LRRTM4: variants seen among roughly 807,000 people sequenced by gnomAD.
LRRTM4 encodes the protein leucine rich repeat transmembrane neuronal 4.
Under a neutral mutation model 47.6 loss-of-function variants are expected in LRRTM4, and 25 were observed. That is an observed-to-expected ratio of 0.53 (90% CI 0.38 to 0.73). LRRTM4 has a LOEUF of 0.73. Ranked by LOEUF, LRRTM4 falls within the 30% of genes least tolerant of loss-of-function variation. The pLI, the probability that LRRTM4 is intolerant of heterozygous loss-of-function variation, is 0.00. For synonymous variants in LRRTM4, 311 were observed against 269.5 expected, an observed-to-expected ratio of 1.15 and a Z score of -1.51; for missense variants, 638 against 713.4, an observed-to-expected ratio of 0.89 and a Z score of 1.20.
chr2:77,202,253 C>A (rs1673997505), intron 3 of LRRTM4, among the ~76,000 whole-genome samples: 1 of 152,056 alleles, frequency 6.6e-6, no homozygotes, highest in South Asian at 2.1e-4. Context: ...TTTAAAATCA[C>A]CATTTCTGCT....
chr2:77,200,249 A>T (rs528986858), intron 3 of LRRTM4, among the ~76,000 whole-genome samples: 3 of 152,128 alleles, frequency 2.0e-5, no homozygotes, highest in African/African-American at 4.8e-5. Flanking sequence ...AAAAGTAGTG[A>T]GTTTAGTGTG....
At chr2:77,328,815 T>A (rs1449074162) in intron 3 of LRRTM4, among the ~76,000 whole-genome samples, 1 of 152,140 alleles carries the variant, frequency 6.6e-6, no homozygotes, top group East Asian at 1.9e-4. Flanking sequence ...AGCTGACAAA[T>A]GGCTTCTATG....
chr2:77,348,932 CTT>C (rs1181074055), intron 3 of LRRTM4, among the ~76,000 whole-genome samples: 1 of 151,734 alleles, frequency 6.6e-6, no homozygotes, highest in Non-Finnish European at 1.5e-5. Context: ...ATAGCAGCCA[CTT>C]ATAATAAAAA....
intron 3 of LRRTM4, among the ~76,000 whole-genome samples, chr2:76,831,502 G>T (rs1452694665): frequency 1.3e-5 from 2 of 151,988 alleles, no homozygotes; most frequent in African/African-American, 4.8e-5. Flanking sequence ...CTAGCTTTGG[G>T]TTGATTCTCC....
intron 3 of LRRTM4, among the ~76,000 whole-genome samples, chr2:77,278,752 A>G (rs1049049443): frequency 6.6e-6 from 1 of 151,982 alleles, no homozygotes; most frequent in Non-Finnish European, 1.5e-5. Context: ...TGTACATTTC[A>G]TGTTAGAAAG....
chr2:76,847,335 A>G (rs767477558), intron 3 of LRRTM4, among the ~76,000 whole-genome samples: 61 of 152,164 alleles, frequency 4.0e-4, no homozygotes, highest in Admixed American at 1.0e-3. Flanking sequence ...TGTAACAATA[A>G]TTATGATTAT....
At chr2:77,307,122 G>C (rs187845884) in intron 3 of LRRTM4, among the ~76,000 whole-genome samples, 11 of 151,460 alleles carry the variant, frequency 7.3e-5, no homozygotes, top group Non-Finnish European at 1.2e-4. Context: ...GGATGGTCTC[G>C]ATCTCCTGAC....
At chr2:77,521,572 C>T in intron 2 of LRRTM4, 96 bp downstream of exon 2, 1 of 1,431,672 alleles carries the variant, frequency 7.0e-7, no homozygotes, top group Non-Finnish European at 9.8e-7. Flanking sequence ...TGCTCTTTGC[C>T]TGTTTCCCCG....
intron 3 of LRRTM4, among the ~76,000 whole-genome samples, chr2:77,358,621 T>G (rs936144365): frequency 3.9e-5 from 6 of 152,334 alleles, no homozygotes; most frequent in Non-Finnish European, 7.3e-5. Context: ...TATTAGATGT[T>G]GAAGTACTAT....
chr2:77,124,435 G>C (rs894779661), intron 3 of LRRTM4, among the ~76,000 whole-genome samples: 12 of 152,038 alleles, frequency 7.9e-5, no homozygotes, highest in African/African-American at 2.9e-4. Context: ...CCAAATTCAA[G>C]ACAAAATTGG....
chr2:77,511,498 AC>A (rs1272071112), intron 3 of LRRTM4, among the ~76,000 whole-genome samples: 2 of 151,818 alleles, frequency 1.3e-5, no homozygotes, highest in African/African-American at 4.8e-5. Flanking sequence ...AAATGCCATA[AC>A]CTTATTGAGT....
intron 3 of LRRTM4, among the ~76,000 whole-genome samples, chr2:77,180,763 G>C (rs1421181371): frequency 6.6e-6 from 1 of 152,030 alleles, no homozygotes; most frequent in Non-Finnish European, 1.5e-5. Flanking sequence ...CTTGTCATAA[G>C]AGCTATGTGA....
rs563319232 is a variant in LRRTM4 at position 76,945,325 on chromosome 2, C to G, written c.1552-196409G>C. 2.0e-5 allele frequency among the ~76,000 whole-genome samples: 3 copies of G among 152,098 alleles called. No individual in the cohort carries two copies. In the East Asian group the frequency reaches 5.8e-4, roughly 29 times the overall value. The stretch of plus-strand genomic sequence containing the variant: ...AGGATTTGCTTCAATGTATATTTAT[C>G]GGTCTCAGAGTAACAACTTTTTCAC... On this transcript the variant is annotated intron_variant, in intron 3 of 3. Coordinates refer to ENST00000409884, the MANE Select transcript of LRRTM4 (RefSeq NM_001134745.3).
At chr2:77,107,949 A>G (rs925180470) in intron 3 of LRRTM4, among the ~76,000 whole-genome samples, 3 of 152,172 alleles carry the variant, frequency 2.0e-5, no homozygotes, top group African/African-American at 7.2e-5. Flanking sequence ...GTAACACTAC[A>G]TACTAAATAT....
intron 3 of LRRTM4, among the ~76,000 whole-genome samples, chr2:76,780,212 A>G (rs957880172): frequency 6.6e-6 from 1 of 151,886 alleles, no homozygotes; most frequent in Non-Finnish European, 1.5e-5. Flanking sequence ...CTTCATTTCA[A>G]CTTTGGTGAA....
At chr2:76,989,604 G>C (rs1443440413) in intron 3 of LRRTM4, among the ~76,000 whole-genome samples, 1 of 151,754 alleles carries the variant, frequency 6.6e-6, no homozygotes. Flanking sequence ...GCAATGAATA[G>C]TTAGCCTGTC....
intron 3 of LRRTM4, among the ~76,000 whole-genome samples, chr2:77,045,614 ATGGTTATTATAAGG>A (rs1679207628): frequency 6.6e-6 from 1 of 151,868 alleles, no homozygotes; most frequent in Admixed American, 6.6e-5. Context: ...GTCTCACAAG[ATGGTTATTATAAGG>A]AGGAGTTTTC....
rs78374661 is a variant in LRRTM4, at chr2:76,840,634, T to C, written c.1552-91718A>G. On this transcript the variant is annotated intron_variant, in intron 3 of 3. Transcript: ENST00000409884. ...AAAGGAGAAACCAACTGCTTGAGTT[T>C]CACAGCTGCCCCGACTACATGTGCA... 1.1e-3 allele frequency among the ~76,000 whole-genome samples: 161 copies of C among 152,338 alleles called. 3 individuals carry two copies. The highest frequency in any genetic ancestry group is 3.7e-3 in the African/African-American group (155 of 41,590).
At chr2:77,236,120 T>G (rs1381359915) in intron 3 of LRRTM4, among the ~76,000 whole-genome samples, 4 of 152,204 alleles carry the variant, frequency 2.6e-5, no homozygotes, top group Admixed American at 2.6e-4. Flanking sequence ...AGTATGGTCA[T>G]TGTAATGACA....
Sources: allele counts gnomAD v4.1 joint callset (sites outside exome capture counted in the v4.1 genomes callset), GRCh38; gene constraint gnomAD v4.1.1; transcripts MANE v1.5; gene names NCBI Gene and HGNC (gene_info 2026-07-23, HGNC 2026-07-21).